The following PLEKHA8 variants were observed in gnomAD, a reference collection of about 807,000 sequenced individuals.
PLEKHA8 encodes the protein pleckstrin homology domain containing A8, also known as pleckstrin homology domain-containing family A member 8.
Under a neutral mutation model 68.2 loss-of-function variants are expected in PLEKHA8, and 36 were observed. That is an observed-to-expected ratio of 0.53 (90% CI 0.40 to 0.70). The LOEUF (loss-of-function observed/expected upper bound fraction) is 0.70, where lower values mean the gene tolerates loss of function less well. Ranked by LOEUF, PLEKHA8 falls within the 30% of genes least tolerant of loss-of-function variation. The probability of loss-of-function intolerance (pLI) is 0.00; values close to 1 mark genes in which losing one functional copy is unlikely to be tolerated. For synonymous variants in PLEKHA8, 211 were observed against 216.1 expected (o/e 0.98, Z 0.20); for missense variants, 505 against 615.4 (o/e 0.82, Z 1.90).
At chr7:30,118,769 G>A (rs1286442022) in intron 13 of PLEKHA8, among the ~76,000 whole-genome samples, 2 of 152,108 alleles carry the variant, frequency 1.3e-5, no homozygotes, top group African/African-American at 4.8e-5. Flanking sequence ...AGTAGAGACG[G>A]GGTTTCACCG....
chr7:30,045,958 T>G (rs1266618051), intron 2 of PLEKHA8, among the ~76,000 whole-genome samples: 1 of 152,242 alleles, frequency 6.6e-6, no homozygotes, highest in African/African-American at 2.4e-5. Flanking sequence ...AAATTGGTGA[T>G]TCTTGTTTGG....
At chr7:30,107,811 G>A (rs1275925843) in intron 13 of PLEKHA8, among the ~76,000 whole-genome samples, 5 of 152,110 alleles carry the variant, frequency 3.3e-5, no homozygotes, top group Non-Finnish European at 7.4e-5. Flanking sequence ...GCTCATGCCT[G>A]TAATCCCAGT....
In PLEKHA8 at chr7:30,109,359, A is replaced by G. The variant is rs186000063; in HGVS notation, c.1363-19907A>G. Reference sequence around the variant, plus strand: ...GTAATCCCAGCACTTTGTGAGGCCTAGGCAGGTGGATGAGGTCAGGAGTTC... The same window carrying G: ...GTAATCCCAGCACTTTGTGAGGCCTGGGCAGGTGGATGAGGTCAGGAGTTC... On this transcript the variant is annotated intron_variant, in intron 13 of 13. Coordinates refer to the PLEKHA8 transcript ENST00000396257. Among the ~76,000 whole-genome samples the G allele has an allele frequency of 1.4e-3, 210 of 152,188 alleles. 1 individual carries two copies. The highest frequency in any genetic ancestry group is 4.8e-3 in the African/African-American group (201 of 41,520).
downstream of PLEKHA8, among the ~76,000 whole-genome samples, chr7:30,086,968 G>A (rs987673190): frequency 2.0e-5 from 3 of 152,166 alleles, no homozygotes; most frequent in Non-Finnish European, 2.9e-5. Flanking sequence ...ATTGATGAAC[G>A]ATGATGGTCT....
At chr7:30,075,608 A>G (rs1794563637) in intron 13 of PLEKHA8, among the ~76,000 whole-genome samples, 2 of 152,184 alleles carry the variant, frequency 1.3e-5, no homozygotes, top group South Asian at 4.1e-4. Context: ...AGAGGCCTCT[A>G]CTGAGTTCTT....
exon 13 of PLEKHA8, chr7:30,090,252 C>T: frequency 6.6e-7 from 1 of 1,516,894 alleles, no homozygotes; most frequent in Non-Finnish European, 8.9e-7. Context: ...GCAGAAAAAG[C>T]AAGTCACCAA....
At chr7:30,123,476 G>A (rs1217558248) in intron 13 of PLEKHA8, among the ~76,000 whole-genome samples, 2 of 152,192 alleles carry the variant, frequency 1.3e-5, no homozygotes, top group African/African-American at 2.4e-5. Context: ...CAAACACAGT[G>A]GGGGGCTGAG....
rs141148064 is a variant in PLEKHA8, at chr7:30,028,812, C to T, written c.40+10C>T. On this transcript the variant is annotated intron_variant, in intron 1 of 13. Coordinates refer to ENST00000449726, the MANE Select transcript of PLEKHA8 (RefSeq NM_001197026.2). ...ACCAACTATCTGAGCGGTGAGTGGC[C>T]GTGCCGGGCCGGGGGCGCGCCGGGG... is the stretch of plus-strand genomic sequence containing the variant. The T allele has an allele frequency of 1.4e-5, 18 of 1,264,724 alleles. No individual in the cohort carries two copies. Among genetic ancestry groups the T allele is most frequent in the Non-Finnish European group, 1.7e-5 (17 of 999,548 alleles). 78.3% of individuals were successfully genotyped at this position (1,264,724 alleles called of 1,614,324 possible).
At position 30,082,298 on chromosome 7, in the gene PLEKHA8, T is replaced by TACCGCCATCAGC; in HGVS notation, c.*3514_*3525dup. ...CTTTGCTACTGAAAATTGCCAGCAG[T>TACCGCCATCAGC]ACCGCCATCAGCACACCAAATCTAC... On this transcript the variant is annotated 3_prime_UTR_variant, in exon 14 of 14. Coordinates refer to ENST00000449726, the MANE Select transcript of PLEKHA8 (RefSeq NM_001197026.2). The TACCGCCATCAGC allele has an allele frequency of 1.0e-6, 1 of 985,586 alleles. No individual in the cohort carries two copies. Among genetic ancestry groups the TACCGCCATCAGC allele is most frequent in the East Asian group, 1.1e-4 (1 of 8,824 alleles). 61.1% of individuals were successfully genotyped at this position (985,586 alleles called of 1,614,324 possible).
chr7:30,096,196 T>A (rs1378250841), intron 13 of PLEKHA8, among the ~76,000 whole-genome samples: 3 of 152,214 alleles, frequency 2.0e-5, no homozygotes, highest in Admixed American at 6.5e-5. Flanking sequence ...CCTCTTTTAT[T>A]TCCTTGAGCA....
chr7:30,045,351 AT>A, intron 2 of PLEKHA8, 150 bp downstream of exon 2: 1 of 577,146 alleles, frequency 1.7e-6, no homozygotes, highest in South Asian at 2.9e-5. Context: ...AGCCTTGCAA[AT>A]ACAACCCAAA....
intron 13 of PLEKHA8, among the ~76,000 whole-genome samples, chr7:30,107,509 T>G (rs973649124): frequency 2.0e-5 from 3 of 152,128 alleles, no homozygotes; most frequent in African/African-American, 7.2e-5. Context: ...GTATTTCGTA[T>G]TTTTTACTTT....
At chr7:30,129,352 G>A (rs370982252) in exon 14 of PLEKHA8, 30 of 1,611,940 alleles carry the variant, frequency 1.9e-5, no homozygotes, top group East Asian at 4.5e-5. Flanking sequence ...CACTAAGGAC[G>A]GTAAAGCAGA....
downstream of PLEKHA8, chr7:30,090,793 A>G (rs1247360942): frequency 1.3e-5 from 3 of 236,716 alleles, no homozygotes; most frequent in African/African-American, 7.0e-5. Flanking sequence ...ATACGAGCCA[A>G]TTAGCTGAAT....
intron 9 of PLEKHA8, among the ~76,000 whole-genome samples, chr7:30,057,075 G>C (rs1793050682): frequency 6.6e-6 from 1 of 151,710 alleles, no homozygotes; most frequent in African/African-American, 2.4e-5. Context: ...AAAAATTGAG[G>C]TATAACTTGC....
chr7:30,056,927 TATATA>T (rs1793035876), intron 9 of PLEKHA8, among the ~76,000 whole-genome samples: 1 of 147,308 alleles, frequency 6.8e-6, no homozygotes, highest in African/African-American at 2.5e-5. Flanking sequence ...TTTTATATAT[TATATA>T]TAATATATAT....
intron 12 of PLEKHA8, among the ~76,000 whole-genome samples, chr7:30,069,354 T>G (rs1164246275): frequency 6.6e-6 from 1 of 152,248 alleles, no homozygotes; most frequent in Non-Finnish European, 1.5e-5. Flanking sequence ...GTTCTCTACT[T>G]CCCAGGCTTT....
intron 12 of PLEKHA8, among the ~76,000 whole-genome samples, chr7:30,073,563 T>TAAAAAAAAAAA (rs35738941): frequency 8.1e-5 from 9 of 111,764 alleles, no homozygotes; most frequent in African/African-American, 2.9e-4. Context: ...TTGTGTTTCT[T>TAAAAAAAAAAA]AAAAAAAAAA....
At chr7:30,122,618 A>G (rs776767568) in intron 13 of PLEKHA8, among the ~76,000 whole-genome samples, 11 of 152,170 alleles carry the variant, frequency 7.2e-5, no homozygotes, top group Non-Finnish European at 1.3e-4. Flanking sequence ...AACGTTTGTG[A>G]TGGCTCACTC....
Sources: allele counts gnomAD v4.1 joint callset (sites outside exome capture counted in the v4.1 genomes callset), GRCh38; gene constraint gnomAD v4.1.1; transcripts MANE v1.5; gene names NCBI Gene and HGNC (gene_info 2026-07-23, HGNC 2026-07-21).